ASB13: variants seen among roughly 807,000 people sequenced by gnomAD.
ASB13 encodes ankyrin repeat and SOCS box protein 13.
In ASB13, 33 loss-of-function variants were observed where a neutral mutation model predicts 28.8. The ratio of observed to expected loss-of-function variants is 1.15; its 90% CI spans 0.87 to 1.53. The LOEUF is 1.53. Ranked by LOEUF, ASB13 falls within the 40% of genes most tolerant of loss-of-function variation. The probability of loss-of-function intolerance (pLI) is 0.00; values close to 1 mark genes in which losing one functional copy is unlikely to be tolerated. For missense variants in ASB13, 414 were observed against 390.1 expected (o/e 1.06, Z -0.52); for synonymous variants, 182 against 172.9 (o/e 1.05, Z -0.41).
chr10:5,662,539 GGGA>G (rs1442666939), intron 1 of ASB13, among the ~76,000 whole-genome samples: 2,033 of 40,272 alleles, frequency 0.05, 340 homozygotes, highest in Middle Eastern at 0.11. Flanking sequence ...AGAAGGGGGG[GGGA>G]GGGGAGGGGA....
intron 1 of ASB13, among the ~76,000 whole-genome samples, chr10:5,665,239 G>A (rs752534268): frequency 1.3e-5 from 2 of 152,138 alleles, no homozygotes; most frequent in Non-Finnish European, 2.9e-5. Context: ...AAGCTCCTAC[G>A]GTTCGCCTCT....
intron 1 of ASB13, among the ~76,000 whole-genome samples, chr10:5,662,640 T>A (rs189019803): frequency 2.8e-3 from 304 of 108,594 alleles, no homozygotes; most frequent in Middle Eastern, 0.013. Flanking sequence ...AGAGAAGAGA[T>A]GAGATCCTGG....
chr10:5,661,420 T>G lies in ASB13; in HGVS notation c.43+5089A>C, dbSNP rs1438065524. Among the ~76,000 whole-genome samples the G allele has an allele frequency of 6.6e-6, 1 of 152,232 alleles. No homozygotes were observed. Among genetic ancestry groups the G allele is most frequent in the Non-Finnish European group, 1.5e-5 (1 of 68,030 alleles). ...ACCAGGGACACCTTCCAGACAAAGC[T>G]GATCCAGTAGCATGCTGGCTTTGAA... is the stretch of plus-strand genomic sequence containing the variant. On this transcript the variant is annotated intron_variant, in intron 1 of 5. Transcript: ENST00000357700. This position sits in a 1 kb window ranked among gnomAD's most constrained non-coding sequence, Gnocchi z 4.9.
At position 5,649,032 on chromosome 10, in the gene ASB13, G is replaced by A. The variant is rs764444666; in HGVS notation, c.455C>T (p.Thr152Ile). The A allele has an allele frequency of 2.5e-6, 4 of 1,614,270 alleles. No homozygotes were observed. The highest frequency in any genetic ancestry group is 4.5e-5 in the East Asian group (2 of 44,892). The change falls in exon 4 of 6, where the codon ACC (threonine) becomes ATC (isoleucine). Residue 152 changes from threonine to isoleucine, a missense_variant. Thr to Ile is a moderately conservative substitution (Grantham distance 89, BLOSUM62 -1). Coordinates refer to ENST00000357700, the MANE Select transcript of ASB13 (RefSeq NM_024701.4). This position sits in a 1 kb window ranked among gnomAD's most constrained non-coding sequence, Gnocchi z 6.4. ...CCGGGCACAGGCAACGTGCAGAGGG[G>A]TCCCAAAATGGCAATCGTGCGCTTC... ...NLEAHDCHFG[T>I]PLHVACAREH...
intron 1 of ASB13, among the ~76,000 whole-genome samples, chr10:5,653,564 C>A (rs1835022971): frequency 6.6e-6 from 1 of 152,238 alleles, no homozygotes; most frequent in Non-Finnish European, 1.5e-5. Flanking sequence ...TTTAATTATT[C>A]CACTTTAGTG....
At chr10:5,666,352 C>G (rs1835260026) in intron 1 of ASB13, among the ~76,000 whole-genome samples, 157 bp downstream of exon 1, 1 of 152,136 alleles carries the variant, frequency 6.6e-6, no homozygotes, top group African/African-American at 2.4e-5. Flanking sequence ...ACCACTGGGA[C>G]CCTGCTTTCA....
chr10:5,654,394 G>T (rs1282957886), intron 1 of ASB13, among the ~76,000 whole-genome samples: 1 of 152,146 alleles, frequency 6.6e-6, no homozygotes, highest in African/African-American at 2.4e-5. Context: ...CTACAGGAAT[G>T]GCAAAGCCGG....
Position 5,640,751 on chromosome 10 carries a change from G to T in ASB13, c.789C>A (p.Ala263=), listed in dbSNP as rs749729189. Residue 263 remains alanine (A), a synonymous_variant, in exon 6 of 6, where the codon GCC becomes GCA. Transcript: ENST00000357700. ...ATGVRGLEKI[A]KLNIPPRLID... Reference sequence around the variant, plus strand: ...TGAGCCGGGGCGGGATGTTTAACTTGGCAATCTTCTCCAGCCCTCGGACGC... The same window carrying T: ...TGAGCCGGGGCGGGATGTTTAACTTTGCAATCTTCTCCAGCCCTCGGACGC... 56 of 1,614,014 alleles carry T rather than the reference G, an allele frequency of 3.5e-5. No individual in the cohort carries two copies. The South Asian group carries it at 5.9e-4, about 17-fold the overall frequency.
Position 5,649,681 on chromosome 10 carries a change from G to A in ASB13, c.383-577C>T, listed in dbSNP as rs758411048. Reference sequence around the variant, plus strand: ...GCTGGAATTACAGGCATGCACCACCGTGCCCGACTAATTTTTTTGTATTTT... The same window carrying A: ...GCTGGAATTACAGGCATGCACCACCATGCCCGACTAATTTTTTTGTATTTT... On this transcript the variant is annotated intron_variant, in intron 3 of 5. Coordinates refer to ENST00000357700, the MANE Select transcript of ASB13 (RefSeq NM_024701.4). The surrounding 1 kb of genome is among the most constrained non-coding windows in gnomAD (Gnocchi z 6.4). Among the ~76,000 whole-genome samples the A allele has an allele frequency of 2.5e-4, 38 of 151,716 alleles. 1 individual carries two copies. The highest frequency in any genetic ancestry group is 4.6e-4 in the Non-Finnish European group (31 of 67,922).
intron 1 of ASB13, among the ~76,000 whole-genome samples, chr10:5,665,556 A>T (rs1160613662): frequency 2.0e-5 from 3 of 152,208 alleles, no homozygotes; most frequent in Non-Finnish European, 4.4e-5. Context: ...TTACTCAATT[A>T]AGCTAATCAA....
At position 5,655,642 on chromosome 10, in the gene ASB13, G is replaced by A. The variant is rs1325425156; in HGVS notation, c.44-2592C>T. On this transcript the variant is annotated intron_variant, in intron 1 of 5. Transcript: ENST00000357700. This position sits in a 1 kb window ranked among gnomAD's most constrained non-coding sequence, Gnocchi z 6.2. Reference sequence around the variant, plus strand: ...AAGCTTGTGGAACTTTCTACTCACCGTCTCCAGGTGGCCCTCAGCCCCACC... The same window carrying A: ...AAGCTTGTGGAACTTTCTACTCACCATCTCCAGGTGGCCCTCAGCCCCACC... Among the ~76,000 whole-genome samples, 2 of 152,130 alleles carry A rather than the reference G, an allele frequency of 1.3e-5. No homozygotes were observed. The highest frequency in any genetic ancestry group is 6.5e-5 in the Admixed American group (1 of 15,274).
In ASB13 at chr10:5,659,944, T is replaced by A. The variant is rs1835134117; in HGVS notation, c.43+6565A>T. ...GACCTAACATGATGCTTGCACACTCTGGCCAAGCGGGGGCTCGTGCATCCA... is the reference window on the plus strand; with the variant it reads ...GACCTAACATGATGCTTGCACACTCAGGCCAAGCGGGGGCTCGTGCATCCA... On this transcript the variant is annotated intron_variant, in intron 1 of 5. Coordinates refer to ENST00000357700, the MANE Select transcript of ASB13 (RefSeq NM_024701.4). This position sits in a 1 kb window ranked among gnomAD's most constrained non-coding sequence, Gnocchi z 5.8. 6.6e-6 allele frequency among the ~76,000 whole-genome samples: 1 copy of A among 152,232 alleles called. No individual in the cohort carries two copies. The highest frequency in any genetic ancestry group is 2.1e-4 in the South Asian group (1 of 4,830).
At position 5,663,475 on chromosome 10, in the gene ASB13, G is replaced by C. The variant is rs1835207040; in HGVS notation, c.43+3034C>G. ...CAAAGGCTATGGCCCAGGGAGCATGGGGAGGGTCCCCCAGTCCCACCCTCA... is the reference window on the plus strand; with the variant it reads ...CAAAGGCTATGGCCCAGGGAGCATGCGGAGGGTCCCCCAGTCCCACCCTCA... On this transcript the variant is annotated intron_variant, in intron 1 of 5. Coordinates refer to ENST00000357700, the MANE Select transcript of ASB13 (RefSeq NM_024701.4). This position sits in a 1 kb window ranked among gnomAD's most constrained non-coding sequence, Gnocchi z 4.9. Among the ~76,000 whole-genome samples the C allele has an allele frequency of 6.6e-6, 1 of 152,142 alleles. No individual in the cohort carries two copies. The highest frequency in any genetic ancestry group is 1.5e-5 in the Non-Finnish European group (1 of 68,010).
In ASB13 at chr10:5,658,257, C is replaced by G. The variant is rs369103878; in HGVS notation, c.44-5207G>C. Among the ~76,000 whole-genome samples, 1 of 152,178 alleles carries G rather than the reference C, an allele frequency of 6.6e-6. No individual in the cohort carries two copies. Among genetic ancestry groups the G allele is most frequent in the East Asian group, 1.9e-4 (1 of 5,192 alleles). ...GCCGAGGCAGGCAATATGGTGAAAC[C>G]CCATCTCTACTAAAATTACAAAAAT... On this transcript the variant is annotated intron_variant, in intron 1 of 5. Coordinates refer to ENST00000357700, the MANE Select transcript of ASB13 (RefSeq NM_024701.4). The surrounding 1 kb of genome is among the most constrained non-coding windows in gnomAD (Gnocchi z 4.2).
rs1173190782 is a variant in ASB13, at chr10:5,645,554, C to G, written c.517+3416G>C. Among the ~76,000 whole-genome samples the G allele has an allele frequency of 6.6e-6, 1 of 152,182 alleles. No individual in the cohort carries two copies. ...CAAGAACAACGGTCTCCACGTCCCCCGTGGGGTGCAACGTGGCTCTGCCTC... is the reference window on the plus strand; with the variant it reads ...CAAGAACAACGGTCTCCACGTCCCCGGTGGGGTGCAACGTGGCTCTGCCTC... On this transcript the variant is annotated intron_variant, in intron 4 of 5. Coordinates refer to ENST00000357700, the MANE Select transcript of ASB13 (RefSeq NM_024701.4). The surrounding 1 kb of genome is among the most constrained non-coding windows in gnomAD (Gnocchi z 5.4).
At position 5,664,126 on chromosome 10, in the gene ASB13, T is replaced by A. The variant is rs1307170218; in HGVS notation, c.43+2383A>T. On this transcript the variant is annotated intron_variant, in intron 1 of 5. Coordinates refer to ENST00000357700, the MANE Select transcript of ASB13 (RefSeq NM_024701.4). The surrounding 1 kb of genome is among the most constrained non-coding windows in gnomAD (Gnocchi z 4.2). Reference sequence around the variant, plus strand: ...CAGAAGGCGGGCTTGGCACCCGGGGTTGGGACCAGCAAAGAGCAGGGAATC... The same window carrying A: ...CAGAAGGCGGGCTTGGCACCCGGGGATGGGACCAGCAAAGAGCAGGGAATC... 6.6e-6 allele frequency among the ~76,000 whole-genome samples: 1 copy of A among 151,626 alleles called. No homozygotes were observed. The highest frequency in any genetic ancestry group is 1.5e-5 in the Non-Finnish European group (1 of 67,934).
At chr10:5,665,798 A>AT (rs79682915) in intron 1 of ASB13, among the ~76,000 whole-genome samples, 3,318 of 150,494 alleles carry the variant, frequency 0.022, 162 homozygotes, top group Admixed American at 0.12. Context: ...TATGCTTTAG[A>AT]TTTTTTTTTT....
At chr10:5,662,192 C>T (rs1010783206) in intron 1 of ASB13, among the ~76,000 whole-genome samples, 4 of 152,164 alleles carry the variant, frequency 2.6e-5, no homozygotes, top group East Asian at 2.0e-4. Flanking sequence ...CATGAACACG[C>T]GCTGACTGTC....
rs1554744190 is a variant in ASB13 at position 5,662,637 on chromosome 10, A to AGAAGAGAAGAG, written c.43+3871_43+3872insCTCTTCTCTTC. 1.6e-4 allele frequency among the ~76,000 whole-genome samples: 23 copies of AGAAGAGAAGAG among 144,860 alleles called. No homozygotes were observed. The East Asian group carries it at 3.0e-3, about 19-fold the overall frequency. On this transcript the variant is annotated intron_variant, in intron 1 of 5. Transcript: ENST00000357700. ...AGAAGAGAAGAGAAGAGAAGAGAAG[A>AGAAGAGAAGAG]GATGAGATCCTGGATGATTAACACT... is the stretch of plus-strand genomic sequence containing the variant.
Sources: gnomAD v4.1 joint callset for allele counts (sites outside exome capture counted in the v4.1 genomes callset) on GRCh38, gnomAD v4.1.1 for gene constraint, Gnocchi (gnomAD v3.1) non-coding constraint, MANE v1.5 for transcripts, NCBI Gene and HGNC (gene_info 2026-07-23, HGNC 2026-07-21) for gene names.